ZNF326: variants seen among roughly 807,000 people sequenced by gnomAD.
ZNF326 encodes zinc finger protein 326.
A neutral mutation model predicts 63.1 loss-of-function variants in ZNF326; 30 were observed. The ratio of observed to expected loss-of-function variants is 0.48; its 90% confidence interval spans 0.36 to 0.64. The LOEUF (loss-of-function observed/expected upper bound fraction) is 0.64. ZNF326 is among the 30% of genes least tolerant of loss of function. The pLI is 0.00. For synonymous variants in ZNF326, 194 were observed against 228.2 expected, an observed-to-expected ratio of 0.85 and a Z score of 1.35; for missense variants, 609 against 720.3, an observed-to-expected ratio of 0.85 and a Z score of 1.77.
intron 6 of ZNF326, among the ~76,000 whole-genome samples, chr1:90,011,078 A>G (rs1355237627): frequency 1.3e-5 from 2 of 152,196 alleles, no homozygotes; most frequent in Non-Finnish European, 2.9e-5. Context: ...TTTTGCACGT[A>G]TGGTTAAATA....
rs1459158654 is a variant in ZNF326, at chr1:90,034,587, G to A, written c.*6886G>A. 6.6e-6 allele frequency: 1 copy of A among 152,066 alleles called. No individual in the cohort carries two copies. Among genetic ancestry groups the A allele is most frequent in the Non-Finnish European group, 1.5e-5 (1 of 67,986 alleles). 9.4% of individuals were successfully genotyped at this position (152,066 alleles called of 1,614,324 possible). On this transcript the variant is annotated 3_prime_UTR_variant, in exon 12 of 12. Coordinates refer to ENST00000340281, the MANE Select transcript of ZNF326 (RefSeq NM_182976.4). ...TCAGGGTCCATCCTGTCATCACAAT[G>A]CAATGAAACAAAAAATTAGCAAGTG...
rs1265509566 is a variant in ZNF326 at position 90,005,513 on chromosome 1, T to A, written c.209+269T>A. 2.8e-6 allele frequency: 3 copies of A among 1,072,022 alleles called. No homozygotes were observed. The African/African-American group carries it at 4.9e-5, about 18-fold the overall frequency. 66.4% of individuals were successfully genotyped at this position (1,072,022 alleles called of 1,614,324 possible). A position where few individuals can be genotyped will look rare whatever the true frequency, so the allele number is the denominator to read the frequency against. On this transcript the variant is annotated intron_variant, in intron 4 of 11. Coordinates refer to ENST00000340281, the MANE Select transcript of ZNF326 (RefSeq NM_182976.4). The stretch of plus-strand genomic sequence containing the variant: ...TTTTAGCAGTGAACTTTTAAAAAAT[T>A]CTTTTACTTTTAACTTCTTGTCAAT...
rs1294620963 is a variant in ZNF326, at chr1:89,998,172, GC to G, written c.61+19del. On this transcript the variant is annotated intron_variant, in intron 2 of 11. Coordinates refer to ENST00000340281, the MANE Select transcript of ZNF326 (RefSeq NM_182976.4). ...CTTTAATGGTAAGTATCCTCTTTCA[GC>G]TTTTCTCTTCATGCGCATAAAAATA... 1.2e-6 allele frequency: 2 copies of G among 1,611,732 alleles called. No individual in the cohort carries two copies. Among genetic ancestry groups the G allele is most frequent in the Non-Finnish European group, 1.7e-6 (2 of 1,179,278 alleles).
intron 11 of ZNF326, 128 bp from the exon 12 acceptor site, chr1:90,027,226 G>A: frequency 1.2e-6 from 1 of 845,520 alleles, no homozygotes; most frequent in South Asian, 1.7e-5. Flanking sequence ...TAATGAATTT[G>A]TTATAATTTA....
chr1:90,013,192 G>A lies in ZNF326; in HGVS notation c.881G>A (p.Arg294Lys), dbSNP rs1433926135. 4 of 1,610,724 alleles carry A rather than the reference G, an allele frequency of 2.5e-6. No individual in the cohort carries two copies. Among genetic ancestry groups the A allele is most frequent in the Non-Finnish European group, 3.4e-6 (4 of 1,178,438 alleles). The change falls in exon 7 of 12, where the codon AGG (arginine) becomes AAG (lysine). Residue 294 changes from arginine (R) to lysine (K), a missense_variant. Arg to Lys is a conservative substitution (Grantham distance 26). This residue lies in a region of ZNF326 where 399 missense variants were observed against 444.3 expected (regional missense o/e 0.90). Transcript: ENST00000340281. ...RRIEARREKQ[R>K]RRREKNSEKY... ...ATTGAGGCTCGGCGAGAGAAACAAA[G>A]GCGCAGAAGAGAAAAAAACAGTGAG...
At chr1:90,026,388 C>A (rs1282321314) in intron 11 of ZNF326, among the ~76,000 whole-genome samples, 1 of 152,156 alleles carries the variant, frequency 6.6e-6, no homozygotes, top group Non-Finnish European at 1.5e-5. Flanking sequence ...TTCACCAATG[C>A]ACTCTCTGCA....
rs1649806664 is a variant in ZNF326 at position 90,022,264 on chromosome 1, A to G, written c.1320A>G (p.Gln440=). Residue 440 remains glutamine (Q), a synonymous_variant, in exon 11 of 12, where the codon CAA becomes CAG. Coordinates refer to ENST00000340281, the MANE Select transcript of ZNF326 (RefSeq NM_182976.4). The part of the protein sequence containing the change: ...HIKGKQAYKE[Q]IKRESVLTAT... ...GTTTTTTATAGGCTTATAAGGAACA[A>G]ATAAAAAGAGAGAGTGTCTTGACTG... 6.2e-7 allele frequency: 1 copy of G among 1,611,562 alleles called. No homozygotes were observed. Among genetic ancestry groups the G allele is most frequent in the African/African-American group, 1.3e-5 (1 of 74,916 alleles).
At chr1:90,015,155 A>T (rs1223190079) in intron 7 of ZNF326, among the ~76,000 whole-genome samples, 1 of 152,204 alleles carries the variant, frequency 6.6e-6, no homozygotes, top group Admixed American at 6.5e-5. Flanking sequence ...GAGCAGTTTT[A>T]CTTTGAGTTA....
Position 90,034,639 on chromosome 1 carries a change from T to C in ZNF326, c.*6938T>C, listed in dbSNP as rs1650413019. 6.6e-6 allele frequency: 1 copy of C among 152,038 alleles called. No homozygotes were observed. Among genetic ancestry groups the C allele is most frequent in the Non-Finnish European group, 1.5e-5 (1 of 67,946 alleles). 9.4% of individuals were successfully genotyped at this position (152,038 alleles called of 1,614,324 possible). On this transcript the variant is annotated 3_prime_UTR_variant, in exon 12 of 12. Transcript: ENST00000340281. ...ATAGCAATAAATCAATTTTTAAAAA[T>C]CAGACAAAAGAAAACACTGTCCTTG...
At chr1:90,018,089 C>T (rs1012831431) in intron 8 of ZNF326, among the ~76,000 whole-genome samples, 2 of 152,066 alleles carry the variant, frequency 1.3e-5, no homozygotes, top group Non-Finnish European at 2.9e-5. Flanking sequence ...GTCAGGGGTT[C>T]AAGACCAGCC....
chr1:90,001,521 ATAGT>A (rs1271484501), intron 2 of ZNF326, among the ~76,000 whole-genome samples: 9 of 151,522 alleles, frequency 5.9e-5, no homozygotes, highest in South Asian at 2.1e-4. Flanking sequence ...TTAATGTCAC[ATAGT>A]TAGTTATTTT....
At position 90,010,169 on chromosome 1, in the gene ZNF326, G is replaced by A; in HGVS notation, c.697G>A (p.Ala233Thr). The change falls in exon 6 of 12, where the codon GCT becomes ACT. Residue 233 changes from alanine to threonine, a missense_variant. Coordinates refer to ENST00000340281, the MANE Select transcript of ZNF326 (RefSeq NM_182976.4). ...CAAATCCACCAATGTGACAGTTGCT[G>A]CTGCAAGAGGAATAAAGAGAAAAAT... Reference protein sequence around the residue: ...QNKSTNVTVAAARGIKRKMMQ... With the variant: ...QNKSTNVTVATARGIKRKMMQ... 6.2e-7 allele frequency: 1 copy of A among 1,613,868 alleles called. No homozygotes were observed. Among genetic ancestry groups the A allele is most frequent in the Non-Finnish European group, 8.5e-7 (1 of 1,179,854 alleles).
At chr1:89,997,998 A>G in intron 1 of ZNF326, 112 bp from the exon 2 acceptor site, 1 of 825,472 alleles carries the variant, frequency 1.2e-6, no homozygotes, top group East Asian at 2.5e-5. Flanking sequence ...TTTGCAGATA[A>G]TTGGGTTAAT....
rs1650388210 is a variant in ZNF326, at chr1:90,033,994, G to T, written c.*6293G>T. On this transcript the variant is annotated 3_prime_UTR_variant, in exon 12 of 12. Transcript: ENST00000340281. The stretch of plus-strand genomic sequence containing the variant: ...AAGATTCATATTAGAAGTCTCCAGT[G>T]CTGAGCAAAAACAATGAAAAAGTCA... 1 of 151,926 alleles carries T rather than the reference G, an allele frequency of 6.6e-6. No homozygotes were observed. The highest frequency in any genetic ancestry group is 2.4e-5 in the African/African-American group (1 of 41,378). The allele number at this position is 151,926 out of a possible 1,614,324, so 9.4% of individuals were successfully genotyped here. A position where few individuals can be genotyped will look rare whatever the true frequency, so the allele number is the denominator to read the frequency against.
chr1:90,026,349 C>T (rs773725999), intron 11 of ZNF326, among the ~76,000 whole-genome samples: 3 of 152,116 alleles, frequency 2.0e-5, no homozygotes, highest in Non-Finnish European at 4.4e-5. Context: ...CCAGTCCCAT[C>T]CCAGGGCCTT....
chr1:90,003,082 C>G lies in ZNF326; in HGVS notation c.62-1921C>G, dbSNP rs143307174. 5.0e-3 allele frequency among the ~76,000 whole-genome samples: 755 copies of G among 151,158 alleles called. 5 individuals carry two copies. Among genetic ancestry groups the G allele is most frequent in the African/African-American group, 0.017 (710 of 41,228 alleles). ...AAAGCATGAATTTTATCCTTGACAA[C>G]AAATAATGTCGGTCGTTTTCGTTAA... On this transcript the variant is annotated intron_variant, in intron 2 of 11. Transcript: ENST00000340281.
At position 90,031,668 on chromosome 1, in the gene ZNF326, T is replaced by G. The variant is rs1650277787; in HGVS notation, c.*3967T>G. On this transcript the variant is annotated 3_prime_UTR_variant, in exon 12 of 12. Transcript: ENST00000340281. Reference sequence around the variant, plus strand: ...GCTTCCTGGGTTCAAGCGATTCTTGTGCCTCAGCCCTCCCGAGTAACTGGG... The same window carrying G: ...GCTTCCTGGGTTCAAGCGATTCTTGGGCCTCAGCCCTCCCGAGTAACTGGG... 6.6e-6 allele frequency: 1 copy of G among 152,056 alleles called. No homozygotes were observed. Among genetic ancestry groups the G allele is most frequent in the South Asian group, 2.1e-4 (1 of 4,810 alleles). 9.4% of individuals were successfully genotyped at this position (152,056 alleles called of 1,614,324 possible). A position where few individuals can be genotyped will look rare whatever the true frequency, so the allele number is the denominator to read the frequency against.
In ZNF326 at chr1:89,995,160, C is replaced by T; in HGVS notation, c.-98C>T. The T allele has an allele frequency of 7.0e-7, 1 of 1,425,228 alleles. No homozygotes were observed. The highest frequency in any genetic ancestry group is 1.3e-5 in the South Asian group (1 of 79,474). 88.3% of individuals were successfully genotyped at this position (1,425,228 alleles called of 1,614,324 possible). ...GGGCTGGTAGCGCGCCGCTCTCGGT[C>T]GCGCGGAGTGATCGTGTGGAATCGC... On this transcript the variant is annotated 5_prime_UTR_variant, in exon 1 of 12. Coordinates refer to ENST00000340281, the MANE Select transcript of ZNF326 (RefSeq NM_182976.4).
In ZNF326 at chr1:90,018,760, A is replaced by G. The variant is rs1455329724; in HGVS notation, c.1150A>G (p.Ile384Val). ...AAATAATCAAACAGAAGTAGTTAAAATAATTGAAAAAGATGTTATGGAAGG... is the reference window on the plus strand; with the variant it reads ...AAATAATCAAACAGAAGTAGTTAAAGTAATTGAAAAAGATGTTATGGAAGG... ...QTNNQTEVVK[I>V]IEKDVMEGVT... Residue 384 changes from isoleucine to valine, a missense_variant, in exon 9 of 12, where the codon ATA becomes GTA. Coordinates refer to ENST00000340281, the MANE Select transcript of ZNF326 (RefSeq NM_182976.4). 2 of 1,557,656 alleles carry G rather than the reference A, an allele frequency of 1.3e-6. No homozygotes were observed. Among genetic ancestry groups the G allele is most frequent in the East Asian group, 4.5e-5 (2 of 44,112 alleles).
Sources: gnomAD v4.1 joint callset for allele counts (sites outside exome capture counted in the v4.1 genomes callset) on GRCh38, gnomAD v4.1.1 for gene constraint, gnomAD v4.1.1 regional missense constraint, MANE v1.5 for transcripts, NCBI Gene and HGNC (gene_info 2026-07-23, HGNC 2026-07-21) for gene names.